Variants in CLSTN2 observed in about 807,000 individuals in gnomAD.
CLSTN2 encodes the protein calsyntenin 2.
Under a neutral mutation model 101.2 loss-of-function variants are expected in CLSTN2, and 48 were observed. That is an observed-to-expected ratio of 0.47 (90% CI 0.38 to 0.60). The LOEUF (loss-of-function observed/expected upper bound fraction) is 0.60, where lower values mean the gene tolerates loss of function less well. Ranked by LOEUF, CLSTN2 falls within the 20% of genes least tolerant of loss-of-function variation. The pLI, the probability that CLSTN2 is intolerant of heterozygous loss-of-function variation, is 0.00. For synonymous variants in CLSTN2, 481 were observed against 463.6 expected (o/e 1.04, Z -0.48); for missense variants, 1,160 against 1,238.2 (o/e 0.94, Z 0.95).
At chr3:140,193,557 C>A (rs2107837563) in intron 2 of CLSTN2, among the ~76,000 whole-genome samples, 1 of 151,848 alleles carries the variant, frequency 6.6e-6, no homozygotes, top group South Asian at 2.1e-4. Context: ...GGTAAGGTAC[C>A]ATTCTGGTTG....
intron 2 of CLSTN2, among the ~76,000 whole-genome samples, chr3:140,291,203 C>G (rs1054208255): frequency 6.6e-6 from 1 of 152,080 alleles, no homozygotes; most frequent in South Asian, 2.1e-4. Context: ...AAGAGCCTGG[C>G]CCGAGATGAG....
chr3:140,519,153 A>G (rs553900975), intron 8 of CLSTN2, among the ~76,000 whole-genome samples: 10 of 152,260 alleles, frequency 6.6e-5, no homozygotes, highest in African/African-American at 1.9e-4. Context: ...GTGAATTTTT[A>G]TATCTTGTGT....
chr3:140,502,904 A>G (rs918460849), intron 8 of CLSTN2, among the ~76,000 whole-genome samples: 2 of 152,192 alleles, frequency 1.3e-5, no homozygotes, highest in African/African-American at 4.8e-5. Flanking sequence ...ATTATCTTAC[A>G]ATCTTGGAGG....
intron 8 of CLSTN2, among the ~76,000 whole-genome samples, chr3:140,488,299 G>A (rs1934277922): frequency 6.6e-6 from 1 of 152,198 alleles, no homozygotes; most frequent in Non-Finnish European, 1.5e-5. Context: ...TCAAAGGAAT[G>A]TAGGCTTTGG....
chr3:140,282,368 T>C (rs1270545948), intron 2 of CLSTN2, among the ~76,000 whole-genome samples: 4 of 152,066 alleles, frequency 2.6e-5, no homozygotes, highest in African/African-American at 9.7e-5. Flanking sequence ...GGTGACACCA[T>C]GTTTGAGTGG....
chr3:140,185,243 ACT>A (rs2010469393), intron 2 of CLSTN2, among the ~76,000 whole-genome samples: 2 of 152,164 alleles, frequency 1.3e-5, no homozygotes, highest in South Asian at 4.1e-4. Flanking sequence ...TCAGTGGCTG[ACT>A]CTGTCCGGCC....
intron 6 of CLSTN2, among the ~76,000 whole-genome samples, chr3:140,458,743 C>T (rs949860138): frequency 3.5e-4 from 54 of 152,220 alleles, no homozygotes; most frequent in African/African-American, 1.3e-3. Context: ...AGTGAACCTT[C>T]GCCATGCAGC....
rs529636177 is a variant in CLSTN2 at position 140,416,251 on chromosome 3, T to C, written c.638-4874T>C. 1.1e-4 allele frequency among the ~76,000 whole-genome samples: 16 copies of C among 152,238 alleles called. No individual in the cohort carries two copies. In the South Asian group the frequency reaches 1.7e-3, roughly 16 times the overall value. ...GGTATTGATCATAGCATATAAACTT[T>C]AGTTATTAATATAAGATGAATAAAT... On this transcript the variant is annotated intron_variant, in intron 4 of 16. Transcript: ENST00000458420.
chr3:140,317,112 C>T (rs915320046), intron 2 of CLSTN2, among the ~76,000 whole-genome samples: 3 of 152,286 alleles, frequency 2.0e-5, no homozygotes, highest in African/African-American at 7.2e-5. Flanking sequence ...AGTGGATCCT[C>T]TGGGAACAAT....
At chr3:140,533,830 AAAG>A (rs1935308986) in intron 9 of CLSTN2, among the ~76,000 whole-genome samples, 1 of 152,148 alleles carries the variant, frequency 6.6e-6, no homozygotes, top group Non-Finnish European at 1.5e-5. Context: ...GCTCCATGTA[AAAG>A]AAGATGAAAA....
At chr3:140,223,194 C>G (rs1489988490) in intron 2 of CLSTN2, among the ~76,000 whole-genome samples, 1 of 152,230 alleles carries the variant, frequency 6.6e-6, no homozygotes, top group Non-Finnish European at 1.5e-5. Context: ...GAGATAGCAA[C>G]AAGTCTCCAT....
At chr3:140,264,404 AT>A (rs2086678109) in intron 2 of CLSTN2, among the ~76,000 whole-genome samples, 1 of 50,944 alleles carries the variant, frequency 2.0e-5, no homozygotes, top group Non-Finnish European at 4.2e-5. Context: ...ATATATATAT[AT>A]ATATATATAT....
At chr3:140,347,534 T>C (rs1243780523) in intron 2 of CLSTN2, among the ~76,000 whole-genome samples, 2 of 152,248 alleles carry the variant, frequency 1.3e-5, no homozygotes, top group Non-Finnish European at 2.9e-5. Context: ...GTTCTTCTTG[T>C]TGAACATGGC....
chr3:140,390,024 T>C (rs1378161884), intron 2 of CLSTN2, among the ~76,000 whole-genome samples: 1 of 152,162 alleles, frequency 6.6e-6, no homozygotes, highest in East Asian at 1.9e-4. Context: ...TATTTTGTTT[T>C]TGAATGTGAT....
chr3:140,417,068 T>C (rs1453595913), intron 4 of CLSTN2, among the ~76,000 whole-genome samples: 1 of 152,246 alleles, frequency 6.6e-6, no homozygotes, highest in African/African-American at 2.4e-5. Flanking sequence ...GTAACCATTA[T>C]TAACAGTTAA....
chr3:140,263,626 C>G (rs114230833), intron 2 of CLSTN2, among the ~76,000 whole-genome samples: 1 of 152,182 alleles, frequency 6.6e-6, no homozygotes, highest in Non-Finnish European at 1.5e-5. Context: ...AGAGTAGATG[C>G]TCCCCAAAAA....
intron 2 of CLSTN2, among the ~76,000 whole-genome samples, chr3:140,234,409 C>T (rs1318586221): frequency 6.6e-6 from 1 of 152,002 alleles, no homozygotes; most frequent in Non-Finnish European, 1.5e-5. Context: ...ATGGTGTGAA[C>T]TGGAACAAAA....
At chr3:140,062,156 A>G (rs933183156) in intron 1 of CLSTN2, among the ~76,000 whole-genome samples, 17 of 152,162 alleles carry the variant, frequency 1.1e-4, no homozygotes, top group Admixed American at 2.6e-4. Context: ...TCCATGCCGT[A>G]GAGCCCCGGG....
At chr3:140,097,995 A>G (rs1159244660) in intron 1 of CLSTN2, among the ~76,000 whole-genome samples, 1 of 152,214 alleles carries the variant, frequency 6.6e-6, no homozygotes, top group Non-Finnish European at 1.5e-5. Flanking sequence ...GATATAAGAC[A>G]TTGGACAGAG....
Sources: allele counts gnomAD v4.1 joint callset (sites outside exome capture counted in the v4.1 genomes callset), GRCh38; gene constraint gnomAD v4.1.1; transcripts MANE v1.5; gene names NCBI Gene and HGNC (gene_info 2026-07-23, HGNC 2026-07-21).